Variants in MYH10 observed in about 807,000 individuals in gnomAD.
The protein encoded by MYH10 is myosin-10.
MYH10 carries 55 observed loss-of-function variants against 257.8 expected under a neutral mutation model. That is an observed-to-expected ratio of 0.21 (90% confidence interval 0.17 to 0.27). The LOEUF is 0.27. MYH10 is among the 10% of genes least tolerant of loss of function. MYH10 has a pLI of 1.00. For synonymous variants in MYH10, 854 were observed against 921.7 expected, an observed-to-expected ratio of 0.93 and a Z score of 1.33; for missense variants, 1,631 against 2,500.6, an observed-to-expected ratio of 0.65 and a Z score of 7.42.
At chr17:8,478,518 G>A in intron 40 of MYH10, 72 bp from the exon 41 acceptor site, 1 of 1,438,912 alleles carries the variant, frequency 6.9e-7, no homozygotes, top group Non-Finnish European at 9.8e-7. Flanking sequence ...ATTTTTTAAA[G>A]CCCCTTTTCT....
chr17:8,495,312 A>C, intron 30 of MYH10, 71 bp from the exon 31 acceptor site: 1 of 968,706 alleles, frequency 1.0e-6, no homozygotes, highest in Non-Finnish European at 1.6e-6. Flanking sequence ...CACAGCTTTT[A>C]AACAGAACAC....
intron 17 of MYH10, among the ~76,000 whole-genome samples, chr17:8,529,366 G>A (rs1203958991): frequency 1.3e-5 from 2 of 152,194 alleles, no homozygotes; most frequent in Non-Finnish European, 2.9e-5. Flanking sequence ...CTCTTATGAG[G>A]TTAGAAATCC....
chr17:8,484,171 C>G lies in MYH10; in HGVS notation c.5142G>C (p.Lys1714Asn). Residue 1714 changes from lysine to asparagine, a missense_variant, in exon 37 of 43, where the codon AAG (lysine) becomes AAC (asparagine). Physicochemically the swap from Lys to Asn is moderately conservative, Grantham distance 94. Around this residue, in one of 11 missense-constraint regions of MYH10, gnomAD observed 6 missense variants for 20.5 expected, o/e 0.29. Coordinates refer to ENST00000360416, the MANE Select transcript of MYH10 (RefSeq NM_001256012.3). ...ATTGAAGGATTTCTGCTTCCAGACT[C>G]TTCAATTTCTTTTCACTCTCTTTGG... is the stretch of plus-strand genomic sequence containing the variant. ...AQSKESEKKL[K>N]SLEAEILQLQ... The G allele has an allele frequency of 6.2e-7, 1 of 1,609,024 alleles. No individual in the cohort carries two copies. Among genetic ancestry groups the G allele is most frequent in the South Asian group, 1.1e-5 (1 of 89,448 alleles).
At chr17:8,498,223 T>TG (rs574476009) in intron 30 of MYH10, among the ~76,000 whole-genome samples, 2,110 of 151,954 alleles carry the variant, frequency 0.014, 28 homozygotes, top group Non-Finnish European at 0.023. Flanking sequence ...TGACCTCAGG[T>TG]GATCCGCCCA....
intron 33 of MYH10, 33 bp from the exon 34 acceptor site, chr17:8,492,542 C>A (rs1915931474): frequency 1.3e-6 from 2 of 1,577,360 alleles, no homozygotes; most frequent in South Asian, 1.1e-5. Context: ...ATACGAAAAA[C>A]CGAAACAGTG....
chr17:8,572,402 A>C (rs1567920582), intron 6 of MYH10, among the ~76,000 whole-genome samples: 1 of 152,154 alleles, frequency 6.6e-6, no homozygotes, highest in Non-Finnish European at 1.5e-5. Flanking sequence ...TTGCTGAATG[A>C]ATGTATAATC....
At chr17:8,585,284 G>GTATATATATATATA (rs1380120586) in intron 4 of MYH10, among the ~76,000 whole-genome samples, 3 of 6,396 alleles carry the variant, frequency 4.7e-4, no homozygotes, top group Admixed American at 3.3e-3. Context: ...GCATGTGTGT[G>GTATATATATATATA]TGTGTATATA....
At chr17:8,493,486 A>C (rs1431544172) in intron 32 of MYH10, among the ~76,000 whole-genome samples, 7 of 152,238 alleles carry the variant, frequency 4.6e-5, no homozygotes, top group Non-Finnish European at 1.0e-4. Context: ...TTTCTTAGCT[A>C]ATAGTCCATA....
chr17:8,492,356 T>A lies in MYH10; in HGVS notation c.4612A>T (p.Lys1538Ter). Residue 1538 changes from lysine (K) to a stop codon, truncating the protein, a stop_gained, in exon 34 of 43, where the codon AAG becomes TAG. Transcript: ENST00000360416. LOFTEE classifies it high-confidence loss of function. ...TCTTCCATGTCTGCTCGGAGCTGCTTGTTCTGCCTCTCAAACTCCTCCTTG... is the reference window on the plus strand; with the variant it reads ...TCTTCCATGTCTGCTCGGAGCTGCTAGTTCTGCCTCTCAAACTCCTCCTTG... ...EAKEEFERQNKQLRADMEDLM... is the reference protein window; with the variant it reads ...EAKEEFERQN 6.2e-7 allele frequency: 1 copy of A among 1,613,850 alleles called. No homozygotes were observed. Among genetic ancestry groups the A allele is most frequent in the Non-Finnish European group, 8.5e-7 (1 of 1,180,040 alleles).
In MYH10 at chr17:8,545,137, T is replaced by G. The variant is rs1466449814; in HGVS notation, c.1431+311A>C. Among the ~76,000 whole-genome samples, 2 of 152,218 alleles carry G rather than the reference T, an allele frequency of 1.3e-5. No individual in the cohort carries two copies. Among genetic ancestry groups the G allele is most frequent in the African/African-American group, 4.8e-5 (2 of 41,456 alleles). On this transcript the variant is annotated intron_variant, in intron 13 of 42. Transcript: ENST00000360416. The surrounding 1 kb of genome is among the most constrained non-coding windows in gnomAD (Gnocchi z 4.7). ...ACAGGACCACTGGAATTACTCTCAT[T>G]ATGCCGGGAAACTGACCGAGGCTGG... is the stretch of plus-strand genomic sequence containing the variant.
chr17:8,543,840 T>C (rs1045574958), intron 13 of MYH10, among the ~76,000 whole-genome samples: 6 of 152,262 alleles, frequency 3.9e-5, no homozygotes, highest in Non-Finnish European at 8.8e-5. Context: ...ATAATTTTAA[T>C]TGATTTTTAA....
In MYH10 at chr17:8,610,708, G is replaced by A. The variant is rs113602374; in HGVS notation, c.346-5726C>T. On this transcript the variant is annotated intron_variant, in intron 2 of 42. Coordinates refer to ENST00000360416, the MANE Select transcript of MYH10 (RefSeq NM_001256012.3). ...TTGAGCATGCTCTTCTTGCCCTTCC[G>A]CCTTCTCCCATGGAATGATGCCGCA... is the stretch of plus-strand genomic sequence containing the variant. Among the ~76,000 whole-genome samples, 975 of 152,160 alleles carry A rather than the reference G, an allele frequency of 6.4e-3. 7 individuals carry two copies. Among genetic ancestry groups the A allele is most frequent in the African/African-American group, 0.022 (918 of 41,498 alleles).
intron 7 of MYH10, among the ~76,000 whole-genome samples, chr17:8,558,511 A>G (rs2151976772): frequency 6.6e-6 from 1 of 152,332 alleles, no homozygotes; most frequent in South Asian, 2.1e-4. Context: ...AAAAAAAGCA[A>G]AACAAAAACA....
intron 9 of MYH10, 125 bp from the exon 10 acceptor site, chr17:8,548,912 A>G: frequency 1.4e-6 from 1 of 704,710 alleles, no homozygotes. Context: ...ATTGCCAGCA[A>G]AATGTTTTTT....
In MYH10 at chr17:8,477,957, C is replaced by T. The variant is rs1017019853; in HGVS notation, c.5706+381G>A. ...CTTTGTCTTCCCTTCACTTTCTATTCAGTATCTCCTGTGCCCACCCTACAC... is the reference window on the plus strand; with the variant it reads ...CTTTGTCTTCCCTTCACTTTCTATTTAGTATCTCCTGTGCCCACCCTACAC... On this transcript the variant is annotated intron_variant, in intron 41 of 42. Transcript: ENST00000360416. The surrounding 1 kb of genome is among the most constrained non-coding windows in gnomAD (Gnocchi z 4.2). Among the ~76,000 whole-genome samples, 6 of 152,192 alleles carry T rather than the reference C, an allele frequency of 3.9e-5. No homozygotes were observed. Among genetic ancestry groups the T allele is most frequent in the Non-Finnish European group, 8.8e-5 (6 of 68,028 alleles).
intron 7 of MYH10, among the ~76,000 whole-genome samples, chr17:8,554,526 A>C (rs75634528): frequency 0.051 from 7,694 of 152,322 alleles, 260 homozygotes; most frequent in Non-Finnish European, 0.078. Flanking sequence ...ACAATTTTAC[A>C]AATTTCTAAG....
intron 28 of MYH10, among the ~76,000 whole-genome samples, chr17:8,502,981 C>A (rs1056229846): frequency 2.6e-5 from 4 of 152,192 alleles, no homozygotes; most frequent in Non-Finnish European, 5.9e-5. Flanking sequence ...AAAGCAGTTA[C>A]TCTGCTGAAG....
In MYH10 at chr17:8,484,555, C is replaced by T. The variant is rs140076073; in HGVS notation, c.5047-289G>A. 5.1e-4 allele frequency among the ~76,000 whole-genome samples: 78 copies of T among 152,040 alleles called. 1 individual carries two copies. In the Middle Eastern group the frequency reaches 0.01, roughly 20 times the overall value. ...GAAAACTACAGATCAAAATGAAATC[C>T]CTTATGAATACAAATGCAAAAATCT... On this transcript the variant is annotated intron_variant, in intron 36 of 42. Coordinates refer to ENST00000360416, the MANE Select transcript of MYH10 (RefSeq NM_001256012.3).
At chr17:8,573,311 T>C (rs2083407351) in intron 6 of MYH10, among the ~76,000 whole-genome samples, 1 of 152,222 alleles carries the variant, frequency 6.6e-6, no homozygotes, top group Non-Finnish European at 1.5e-5. Context: ...AGGGCAGAGC[T>C]GCAGGAAGGT....
Sources: allele counts gnomAD v4.1 joint callset (sites outside exome capture counted in the v4.1 genomes callset), GRCh38; gene constraint gnomAD v4.1.1; regional missense constraint gnomAD v4.1.1; non-coding constraint Gnocchi (gnomAD v3.1); transcripts MANE v1.5; gene names NCBI Gene and HGNC (gene_info 2026-07-23, HGNC 2026-07-21).